Variants in VWA8 observed in about 807,000 individuals in gnomAD.
VWA8 encodes von Willebrand factor A domain-containing protein 8.
Under a neutral mutation model 241.5 loss-of-function variants are expected in VWA8, and 221 were observed. That is an observed-to-expected ratio of 0.91 (90% CI 0.82 to 1.02). VWA8 has a LOEUF of 1.02. VWA8 is among the 50% of genes least tolerant of loss of function. The pLI, the probability that VWA8 is intolerant of heterozygous loss-of-function variation, is 0.00. For synonymous variants in VWA8, 852 were observed against 827.1 expected (o/e 1.03, Z -0.52); for missense variants, 2,322 against 2,328.7 (o/e 1.00, Z 0.06).
intron 22 of VWA8, among the ~76,000 whole-genome samples, chr13:41,731,134 G>C (rs73183339): frequency 0.013 from 2,028 of 151,956 alleles, 12 homozygotes; most frequent in South Asian, 0.019. Context: ...CCCTGTCTTT[G>C]TTCAGGGAAA....
intron 21 of VWA8, among the ~76,000 whole-genome samples, chr13:41,742,077 T>C (rs1198049346): frequency 3.3e-5 from 5 of 152,202 alleles, no homozygotes; most frequent in African/African-American, 1.2e-4. Flanking sequence ...GTCTAGGATA[T>C]AGTCACATGG....
At chr13:41,955,250 A>C (rs1427281779) in intron 1 of VWA8, among the ~76,000 whole-genome samples, 1 of 152,122 alleles carries the variant, frequency 6.6e-6, no homozygotes, top group East Asian at 1.9e-4. Flanking sequence ...TTTAGGCAAA[A>C]GAAGCAAATG....
intron 16 of VWA8, among the ~76,000 whole-genome samples, chr13:41,815,649 G>A (rs1870658845): frequency 6.6e-6 from 1 of 152,214 alleles, no homozygotes; most frequent in South Asian, 2.1e-4. Flanking sequence ...CTGACACTTT[G>A]ATTCTGGCTC....
At chr13:41,926,766 T>C (rs1479422507) in intron 2 of VWA8, 3 of 543,150 alleles carry the variant, frequency 5.5e-6, no homozygotes, top group East Asian at 5.0e-5. Context: ...AGAATCAGCA[T>C]GGTAGAAGAA....
chr13:41,577,864 C>T (rs2044360425), intron 42 of VWA8, among the ~76,000 whole-genome samples: 1 of 152,160 alleles, frequency 6.6e-6, no homozygotes, highest in African/African-American at 2.4e-5. Flanking sequence ...GTGAATGAAA[C>T]TATAGAAATC....
At chr13:41,856,714 C>G (rs1872765499) in intron 12 of VWA8, among the ~76,000 whole-genome samples, 1 of 151,954 alleles carries the variant, frequency 6.6e-6, no homozygotes, top group Non-Finnish European at 1.5e-5. Flanking sequence ...GTCCCAGCTA[C>G]TTGGGAGGCT....
intron 27 of VWA8, among the ~76,000 whole-genome samples, chr13:41,702,927 T>G (rs138374308): frequency 6.6e-6 from 1 of 152,206 alleles, no homozygotes; most frequent in Non-Finnish European, 1.5e-5. Context: ...GGACTTCTAT[T>G]ACAACTAGTA....
chr13:41,954,870 G>A (rs1246742303), intron 1 of VWA8, among the ~76,000 whole-genome samples: 1 of 152,042 alleles, frequency 6.6e-6, no homozygotes, highest in African/African-American at 2.4e-5. Flanking sequence ...GAAAACTTTA[G>A]CTATTAACCT....
intron 36 of VWA8, among the ~76,000 whole-genome samples, chr13:41,671,667 G>A (rs2045025551): frequency 6.6e-6 from 1 of 151,990 alleles, no homozygotes; most frequent in African/African-American, 2.4e-5. Flanking sequence ...CTCTTTTATA[G>A]AATGGGATTA....
At chr13:41,858,721 T>A (rs1872869883) in intron 12 of VWA8, among the ~76,000 whole-genome samples, 1 of 152,078 alleles carries the variant, frequency 6.6e-6, no homozygotes, top group Non-Finnish European at 1.5e-5. Flanking sequence ...TCTGATGTGA[T>A]CAACAGTATA....
chr13:41,707,675 T>C (rs955271418), intron 26 of VWA8, among the ~76,000 whole-genome samples: 1 of 152,204 alleles, frequency 6.6e-6, no homozygotes, highest in African/African-American at 2.4e-5. Context: ...TAATTCTGGC[T>C]TTGTGCTTAT....
At chr13:41,601,181 C>T (rs948068193) in intron 40 of VWA8, among the ~76,000 whole-genome samples, 1 of 152,102 alleles carries the variant, frequency 6.6e-6, no homozygotes, top group African/African-American at 2.4e-5. Flanking sequence ...ATCCTTGAAT[C>T]CTTTTCTTCT....
chr13:41,734,339 A>G (rs1456785281), intron 21 of VWA8, among the ~76,000 whole-genome samples: 3 of 152,178 alleles, frequency 2.0e-5, no homozygotes, highest in Admixed American at 6.5e-5. Context: ...CTCCGTCTAA[A>G]AAAAAACAAA....
chr13:41,690,337 C>G (rs2045168079), intron 32 of VWA8, 62 bp from the exon 33 acceptor site: 4 of 1,371,146 alleles, frequency 2.9e-6, no homozygotes, highest in Middle Eastern at 1.9e-4. Context: ...GTAATAAGGC[C>G]AGACTAAGAA....
At chr13:41,888,530 C>T (rs1366952852) in intron 5 of VWA8, among the ~76,000 whole-genome samples, 1 of 152,182 alleles carries the variant, frequency 6.6e-6, no homozygotes, top group Non-Finnish European at 1.5e-5. Context: ...ACTACTCCAT[C>T]TTCTTGGAAC....
intron 1 of VWA8, among the ~76,000 whole-genome samples, chr13:41,956,696 G>A (rs372885047): frequency 1.3e-5 from 2 of 151,954 alleles, no homozygotes; most frequent in African/African-American, 4.8e-5. Context: ...TGTAGCCCAA[G>A]GATATAATCT....
At chr13:41,922,337 G>A (rs187793951) in intron 2 of VWA8, among the ~76,000 whole-genome samples, 2,785 of 152,264 alleles carry the variant, frequency 0.018, 41 homozygotes, top group Non-Finnish European at 0.027. Context: ...AACCCTAGAA[G>A]AAAACCTAGG....
At chr13:41,779,578 A>G (rs118083470) in intron 19 of VWA8, among the ~76,000 whole-genome samples, 1 of 152,336 alleles carries the variant, frequency 6.6e-6, no homozygotes, top group East Asian at 1.9e-4. Flanking sequence ...GACAACAAGT[A>G]TAAGCAGAAA....
chr13:41,814,602 CAA>C (rs1411856557), intron 16 of VWA8, among the ~76,000 whole-genome samples: 7 of 151,984 alleles, frequency 4.6e-5, no homozygotes, highest in African/African-American at 1.7e-4. Context: ...AGTCTACAGG[CAA>C]AGAGAGTCAA....
Sources: allele counts gnomAD v4.1 joint callset (sites outside exome capture counted in the v4.1 genomes callset), GRCh38; gene constraint gnomAD v4.1.1; transcripts MANE v1.5; gene names NCBI Gene and HGNC (gene_info 2026-07-23, HGNC 2026-07-21).